Variants in SYBU observed in about 807,000 individuals in gnomAD.
The protein encoded by SYBU is syntabulin.
SYBU carries 21 observed loss-of-function variants against 35.9 expected under a neutral mutation model. The observed-to-expected ratio is 0.58, with a 90% CI of 0.41 to 0.84. The LOEUF (loss-of-function observed/expected upper bound fraction) is 0.84, where lower values mean the gene tolerates loss of function less well. SYBU is among the 40% of genes least tolerant of loss of function. The pLI, the probability that SYBU is intolerant of heterozygous loss-of-function variation, is 0.00. For synonymous variants in SYBU, 319 were observed against 324.3 expected (o/e 0.98, Z 0.18); for missense variants, 768 against 848.2 (o/e 0.91, Z 1.17).
chr8:109,643,867 C>G (rs1350253100), intron 1 of SYBU, among the ~76,000 whole-genome samples: 1 of 152,182 alleles, frequency 6.6e-6, no homozygotes, highest in Non-Finnish European at 1.5e-5. Flanking sequence ...AGAAGTAGAA[C>G]GAAATTCAAA....
intron 1 of SYBU, among the ~76,000 whole-genome samples, chr8:109,652,788 G>T (rs1816203499): frequency 6.6e-6 from 1 of 152,174 alleles, no homozygotes. Context: ...ACATTATTTG[G>T]TGGTTGTGAA....
Position 109,575,618 on chromosome 8 carries a change from C to G in SYBU, c.1280G>C (p.Arg427Thr), listed in dbSNP as rs1352559212. ...EEQVTGEGAD[R>T]ELLVGDSIAN... The stretch of plus-strand genomic sequence containing the variant: ...TATGCTATCTCCTACCAGTAGCTCC[C>G]TGTCAGCCCCTTCCCCCGTGACCTG... Residue 427 changes from arginine to threonine, a missense_variant, in exon 7 of 7, where the codon AGG becomes ACG. Transcript: ENST00000276646. 6.2e-7 allele frequency: 1 copy of G among 1,614,024 alleles called. No homozygotes were observed. Among genetic ancestry groups the G allele is most frequent in the Non-Finnish European group, 8.5e-7 (1 of 1,180,024 alleles).
chr8:109,677,865 G>A (rs1243320154), intron 1 of SYBU, among the ~76,000 whole-genome samples: 1 of 151,950 alleles, frequency 6.6e-6, no homozygotes, highest in Admixed American at 6.6e-5. Context: ...GTAAGTCCGG[G>A]AGCTCACACC....
chr8:109,575,067 G>T lies in SYBU; in HGVS notation c.1831C>A (p.Leu611Ile), dbSNP rs1354469466. Residue 611 changes from leucine to isoleucine, a missense_variant, in exon 7 of 7, where the codon CTC becomes ATC. Transcript: ENST00000276646. The part of the protein sequence containing the change: ...QYWSSSFLVD[L>I]LAVAAPVVPT... ...ACCACGGGGGCAGCCACAGCCAGGA[G>T]ATCCACCAGGAAGCTGCTGCTCCAG... 3 of 1,609,000 alleles carry T rather than the reference G, an allele frequency of 1.9e-6. No homozygotes were observed. Among genetic ancestry groups the T allele is most frequent in the Non-Finnish European group, 2.5e-6 (3 of 1,176,828 alleles).
upstream of SYBU, chr8:109,645,797 A>G (rs1815634192): frequency 1.1e-5 from 2 of 174,804 alleles, no homozygotes; most frequent in Admixed American, 5.4e-5. Context: ...ATGCCATTGC[A>G]TGCGTGGCCT....
intron 3 of SYBU, among the ~76,000 whole-genome samples, chr8:109,601,901 G>A (rs961666620): frequency 6.6e-6 from 1 of 152,168 alleles, no homozygotes; most frequent in Admixed American, 6.5e-5. Flanking sequence ...CATACTGAAG[G>A]CAAGAGAGAA....
chr8:109,616,063 G>C (rs1423068373), intron 3 of SYBU, among the ~76,000 whole-genome samples: 16 of 103,558 alleles, frequency 1.5e-4, no homozygotes, highest in Non-Finnish European at 2.4e-4. Context: ...CCAGGCTGGA[G>C]TGCAGTGGCA....
At chr8:109,681,922 A>T (rs1349999248), upstream of SYBU, among the ~76,000 whole-genome samples, 7 of 152,144 alleles carry the variant, frequency 4.6e-5, no homozygotes, top group Non-Finnish European at 1.0e-4. Flanking sequence ...CTGATGTTTT[A>T]TAAGGGGTTT....
intron 1 of SYBU, 128 bp downstream of exon 1, chr8:109,644,508 A>G (rs1381128573): frequency 5.1e-5 from 57 of 1,124,364 alleles, no homozygotes; most frequent in Non-Finnish European, 6.9e-5. Context: ...TCCAGACCCC[A>G]CCACCACCTC....
chr8:109,652,960 T>C (rs1357417710), intron 1 of SYBU, among the ~76,000 whole-genome samples: 2 of 152,220 alleles, frequency 1.3e-5, no homozygotes, highest in Non-Finnish European at 2.9e-5. Flanking sequence ...GAGGATTAAA[T>C]TCTATAACAC....
chr8:109,613,538 C>A (rs913372745), intron 3 of SYBU, among the ~76,000 whole-genome samples: 1 of 152,042 alleles, frequency 6.6e-6, no homozygotes, highest in Admixed American at 6.5e-5. Context: ...TCTCCTCCCC[C>A]CCACCCAATA....
chr8:109,619,043 G>A lies in SYBU; in HGVS notation c.230-4C>T. ...CTGCTAGGACAGCCTGTGTCATCTA[G>A]AAGACAGGAATCAATAAGTGTTTAA... On this transcript the variant is annotated splice_region_variant and splice_polypyrimidine_tract_variant and intron_variant, in intron 2 of 6. Transcript: ENST00000276646. 3 of 1,611,262 alleles carry A rather than the reference G, an allele frequency of 1.9e-6. No individual in the cohort carries two copies. The highest frequency in any genetic ancestry group is 2.5e-6 in the Non-Finnish European group (3 of 1,177,724).
intron 3 of SYBU, among the ~76,000 whole-genome samples, chr8:109,613,074 A>T (rs1009586626): frequency 1.3e-5 from 2 of 151,856 alleles, no homozygotes; most frequent in African/African-American, 4.8e-5. Flanking sequence ...CTGCTCACTT[A>T]TATTTTTATA....
chr8:109,585,728 G>GTGGGA (rs1823535760), intron 4 of SYBU: 1 of 216,822 alleles, frequency 4.6e-6, no homozygotes, highest in African/African-American at 2.3e-5. Context: ...ACAGAGGGGA[G>GTGGGA]GTAGGAGGGA....
chr8:109,689,816 A>T (rs1817602668), intron 1 of SYBU, among the ~76,000 whole-genome samples: 1 of 132,148 alleles, frequency 7.6e-6, no homozygotes. Flanking sequence ...TCTTTTACCT[A>T]CTGTTACTAC....
chr8:109,628,913 T>C (rs1813278215), intron 2 of SYBU, among the ~76,000 whole-genome samples: 1 of 152,092 alleles, frequency 6.6e-6, no homozygotes, highest in Admixed American at 6.6e-5. Context: ...CTTCATTAGA[T>C]ATATTGTCAT....
intron 1 of SYBU, among the ~76,000 whole-genome samples, chr8:109,657,049 G>T (rs1285975063): frequency 1.3e-5 from 2 of 152,026 alleles, no homozygotes; most frequent in African/African-American, 4.8e-5. Flanking sequence ...AGATACAGGT[G>T]TATCTTTTTC....
At chr8:109,641,220 T>A (rs146194035) in intron 2 of SYBU, among the ~76,000 whole-genome samples, 1,733 of 152,356 alleles carry the variant, frequency 0.011, 17 homozygotes, top group Non-Finnish European at 0.017. Flanking sequence ...CAAATGATAA[T>A]GGTGGCACCT....
At position 109,586,174 on chromosome 8, in the gene SYBU, C is replaced by A; in HGVS notation, c.428-12G>T. 6.3e-7 allele frequency: 1 copy of A among 1,588,554 alleles called. No individual in the cohort carries two copies. The highest frequency in any genetic ancestry group is 8.6e-7 in the Non-Finnish European group (1 of 1,164,800). ...ATCAGCTTCACTACCTGAAAAACAA[C>A]AGGGGAGAGAGAAGCGTGAGGGAAA... On this transcript the variant is annotated splice_polypyrimidine_tract_variant and intron_variant, in intron 3 of 6. Transcript: ENST00000276646.
Sources: gnomAD v4.1 joint callset for allele counts (sites outside exome capture counted in the v4.1 genomes callset) on GRCh38, gnomAD v4.1.1 for gene constraint, MANE v1.5 for transcripts, NCBI Gene and HGNC (gene_info 2026-07-23, HGNC 2026-07-21) for gene names.